The following PSEN1 variants were observed in gnomAD, a reference collection of about 807,000 sequenced individuals.
PSEN1 encodes presenilin-1.
In PSEN1, 15 loss-of-function variants were observed where a neutral mutation model predicts 53.5. The observed-to-expected ratio is 0.28, with a 90% CI of 0.19 to 0.43. The LOEUF (loss-of-function observed/expected upper bound fraction) is 0.43, where lower values mean the gene tolerates loss of function less well. Among genes scored for constraint, PSEN1 ranks in the 20% least tolerant of loss-of-function variants. PSEN1 has a pLI of 1.00. For missense variants in PSEN1, 387 were observed against 571.2 expected (o/e 0.68, Z 3.29); for synonymous variants, 208 against 209.8 (o/e 0.99, Z 0.08).
intron 8 of PSEN1, among the ~76,000 whole-genome samples, chr14:73,201,386 G>A (rs573614525): frequency 6.6e-6 from 1 of 152,072 alleles, no homozygotes; most frequent in East Asian, 1.9e-4. Flanking sequence ...GCGCCTGGCC[G>A]AGAATATCAT....
rs200203966 is a variant in PSEN1, at chr14:73,147,810, C to T, written c.-120C>T. ...CCTATTTCAGACCTAATCTGGGAGC[C>T]TGCAAGTGACAACAGCCTTTGCGGT... On this transcript the variant is annotated 5_prime_UTR_variant, in exon 2 of 12. Transcript: ENST00000324501. The T allele has an allele frequency of 1.3e-4, 72 of 574,890 alleles. No homozygotes were observed. The African/African-American group carries it at 1.3e-3, about 10-fold the overall frequency. The allele number at this position is 574,890 out of a possible 1,614,324, so 35.6% of individuals were successfully genotyped here. A position where few individuals can be genotyped will look rare whatever the true frequency, so the allele number is the denominator to read the frequency against.
At chr14:73,148,491 A>AGTGT (rs1374302545) in intron 3 of PSEN1, among the ~76,000 whole-genome samples, 2 of 152,210 alleles carry the variant, frequency 1.3e-5, no homozygotes, top group African/African-American at 4.8e-5. Context: ...ATGATTGTAC[A>AGTGT]ATGCAAGGAT....
intron 10 of PSEN1, among the ~76,000 whole-genome samples, chr14:73,214,148 A>G (rs1265094091): frequency 1.3e-5 from 2 of 152,218 alleles, no homozygotes; most frequent in East Asian, 3.8e-4. Flanking sequence ...ACTTGGTTAT[A>G]AAAAGAAACA....
chr14:73,150,499 C>T (rs1347627790), intron 3 of PSEN1, among the ~76,000 whole-genome samples: 4 of 152,232 alleles, frequency 2.6e-5, no homozygotes, highest in African/African-American at 4.8e-5. Context: ...TGTGGTGGCT[C>T]ACGCCTGTAA....
chr14:73,177,380 T>C (rs1033979859), intron 5 of PSEN1, among the ~76,000 whole-genome samples: 1 of 151,760 alleles, frequency 6.6e-6, no homozygotes, highest in East Asian at 1.9e-4. Context: ...TGCTGGGGTT[T>C]TTTTGTGTGT....
Position 73,175,946 on chromosome 14 carries a change from T to C in PSEN1, c.480+2239T>C, listed in dbSNP as rs540971598. On this transcript the variant is annotated intron_variant, in intron 5 of 11. Transcript: ENST00000324501. ...AGTATCTGTCGTACCCCACCAGTGC[T>C]GAATTTCTTTTTTAAAACTGTGCTG... Among the ~76,000 whole-genome samples, 11 of 152,388 alleles carry C rather than the reference T, an allele frequency of 7.2e-5. No homozygotes were observed. In the South Asian group the frequency reaches 2.3e-3, roughly 32 times the overall value.
At chr14:73,205,113 T>C (rs553723390) in intron 8 of PSEN1, among the ~76,000 whole-genome samples, 4 of 152,264 alleles carry the variant, frequency 2.6e-5, no homozygotes, top group Admixed American at 6.5e-5. Context: ...AGCCTGAGTA[T>C]TAGAAACATG....
chr14:73,161,140 A>AATTTTTG (rs1458325832), intron 3 of PSEN1, among the ~76,000 whole-genome samples: 1 of 150,936 alleles, frequency 6.6e-6, no homozygotes, highest in Non-Finnish European at 1.5e-5. Flanking sequence ...ATACCCACCT[A>AATTTTTG]ATTTTTGTAT....
chr14:73,170,751 C>G, intron 3 of PSEN1, 46 bp from the exon 4 acceptor site: 1 of 1,607,862 alleles, frequency 6.2e-7, no homozygotes, highest in South Asian at 1.1e-5. Context: ...TACCTTGATT[C>G]TGCTGAGAAT....
Position 73,206,109 on chromosome 14 carries a change from T to C in PSEN1, c.869-277T>C. 6.8e-6 allele frequency: 3 copies of C among 439,870 alleles called. No individual in the cohort carries two copies. In the South Asian group the frequency reaches 7.0e-5, roughly 10 times the overall value. The allele number at this position is 439,870 out of a possible 1,614,324, so 27.2% of individuals were successfully genotyped here. ...AGTGGAATCTTGCTGGCCTGAACAG[T>C]TTTCCTTCTGGTTCCTTTTCAGGGA... On this transcript the variant is annotated intron_variant, in intron 8 of 11. Transcript: ENST00000324501.
Position 73,219,553 on chromosome 14 carries a change from A to G in PSEN1, c.*264A>G, listed in dbSNP as rs146269771. Reference sequence around the variant, plus strand: ...ACTACCAGATTTGAGGGACGAGGTCAAGGAGATATGATAGGCCCGGAAGTT... The same window carrying G: ...ACTACCAGATTTGAGGGACGAGGTCGAGGAGATATGATAGGCCCGGAAGTT... On this transcript the variant is annotated 3_prime_UTR_variant, in exon 12 of 12. Transcript: ENST00000324501. The G allele has an allele frequency of 2.1e-6, 1 of 469,286 alleles. No homozygotes were observed. The highest frequency in any genetic ancestry group is 3.9e-6 in the Non-Finnish European group (1 of 255,180). 29.1% of individuals were successfully genotyped at this position (469,286 alleles called of 1,614,324 possible).
At chr14:73,209,723 AAGGGGTGCTTCCCTGAGGAAGTGGTAAT>A (rs1193791352) in intron 9 of PSEN1, among the ~76,000 whole-genome samples, 2 of 152,202 alleles carry the variant, frequency 1.3e-5, no homozygotes, top group African/African-American at 4.8e-5. Context: ...CTGGAAAGTC[AAGGGGTGCTTCCCTGAGGAAGTGGTAAT>A]AGGGGACGGC....
At chr14:73,185,487 C>G (rs928027579) in intron 5 of PSEN1, among the ~76,000 whole-genome samples, 4 of 152,144 alleles carry the variant, frequency 2.6e-5, no homozygotes, top group South Asian at 2.1e-4. Context: ...CGCAGGCACT[C>G]GGCAGGCTGA....
chr14:73,216,217 C>CT (rs1899907127), intron 10 of PSEN1, among the ~76,000 whole-genome samples: 1 of 152,082 alleles, frequency 6.6e-6, no homozygotes, highest in African/African-American at 2.4e-5. Flanking sequence ...TATGAAATGT[C>CT]TAGAAAAGGC....
intron 8 of PSEN1, 104 bp downstream of exon 8, chr14:73,198,233 A>C (rs1213490256): frequency 2.7e-6 from 2 of 729,018 alleles, no homozygotes; most frequent in East Asian, 5.4e-5. Context: ...TCTCATCTTA[A>C]ATGCACAGCA....
intron 10 of PSEN1, among the ~76,000 whole-genome samples, chr14:73,214,859 G>A (rs1899847731): frequency 6.6e-6 from 1 of 152,130 alleles, no homozygotes. Context: ...ATGGACGATG[G>A]TAATGGTAGC....
rs34992040 is a variant in PSEN1, at chr14:73,205,478, C to CAA, written c.869-886_869-885dup. Among the ~76,000 whole-genome samples the CAA allele has an allele frequency of 3.9e-3, 248 of 64,326 alleles. 3 individuals are homozygous for CAA. Among genetic ancestry groups the CAA allele is most frequent in the African/African-American group, 7.7e-3 (143 of 18,612 alleles). 42.2% of individuals were successfully genotyped at this position (64,326 alleles called of 152,430 possible). On this transcript the variant is annotated intron_variant, in intron 8 of 11. Transcript: ENST00000324501. ...TGGGTGACAGAGCAAGACTCTGTCT[C>CAA]AAAAAAAAAAAAAAAAAAAAAAATT... is the stretch of plus-strand genomic sequence containing the variant.
At chr14:73,150,226 T>TA (rs1482380543) in intron 3 of PSEN1, among the ~76,000 whole-genome samples, 28 of 152,214 alleles carry the variant, frequency 1.8e-4, no homozygotes, top group African/African-American at 4.8e-4. Flanking sequence ...TTATTGATCC[T>TA]ACACTAAATG....
rs1899036462 is a variant in PSEN1 at position 73,198,211 on chromosome 14, C to T, written c.868+82C>T. 6 of 829,020 alleles carry T rather than the reference C, an allele frequency of 7.2e-6. No homozygotes were observed. The South Asian group carries it at 8.5e-5, about 12-fold the overall frequency. The allele number at this position is 829,020 out of a possible 1,614,324, so 51.4% of individuals were successfully genotyped here. The stretch of plus-strand genomic sequence containing the variant: ...AAGCACATGTAACTATGGTCATTTT[C>T]ATGGTACTTGTTCTCATCTTAAATG... On this transcript the variant is annotated intron_variant, in intron 8 of 11. Coordinates refer to ENST00000324501, the MANE Select transcript of PSEN1 (RefSeq NM_000021.4).
Sources: allele counts gnomAD v4.1 joint callset (sites outside exome capture counted in the v4.1 genomes callset), GRCh38; gene constraint gnomAD v4.1.1; transcripts MANE v1.5; gene names NCBI Gene and HGNC (gene_info 2026-07-23, HGNC 2026-07-21).